The following ADAMTS6 variants were observed in gnomAD, a reference collection of about 807,000 sequenced individuals.
The protein encoded by ADAMTS6 is A disintegrin and metalloproteinase with thrombospondin motifs 6.
ADAMTS6 carries 23 observed loss-of-function variants against 144.3 expected under a neutral mutation model. The ratio of observed to expected loss-of-function variants is 0.16; its 90% CI spans 0.11 to 0.23. The LOEUF (loss-of-function observed/expected upper bound fraction) is 0.23. ADAMTS6 is among the 10% of genes least tolerant of loss of function. The probability of loss-of-function intolerance (pLI) is 1.00; values close to 1 mark genes in which losing one functional copy is unlikely to be tolerated. For synonymous variants in ADAMTS6, 444 were observed against 457.5 expected, an observed-to-expected ratio of 0.97 and a Z score of 0.38; for missense variants, 999 against 1,379.6, an observed-to-expected ratio of 0.72 and a Z score of 4.37.
At chr5:65,306,177 TA>T (rs981406475) in intron 9 of ADAMTS6, among the ~76,000 whole-genome samples, 2 of 152,224 alleles carry the variant, frequency 1.3e-5, no homozygotes, top group African/African-American at 2.4e-5. Flanking sequence ...TGTACTGTAA[TA>T]ACATCTTTTG....
chr5:65,200,852 T>C (rs1755689415), intron 20 of ADAMTS6, among the ~76,000 whole-genome samples: 1 of 152,202 alleles, frequency 6.6e-6, no homozygotes, highest in Admixed American at 6.5e-5. Context: ...ATATTCTGTT[T>C]AGAGACTTTT....
chr5:65,296,424 A>T (rs1282580731), intron 10 of ADAMTS6, among the ~76,000 whole-genome samples: 1 of 152,176 alleles, frequency 6.6e-6, no homozygotes, highest in East Asian at 1.9e-4. Context: ...CTGTATTGAG[A>T]ATGGTTTACC....
intron 14 of ADAMTS6, among the ~76,000 whole-genome samples, chr5:65,255,436 C>T (rs1760563633): frequency 2.6e-5 from 4 of 151,948 alleles, no homozygotes; most frequent in Middle Eastern, 3.2e-3. Flanking sequence ...CCTCAAAGTC[C>T]ATTGCATCAT....
intron 7 of ADAMTS6, among the ~76,000 whole-genome samples, chr5:65,372,590 C>A (rs981629526): frequency 6.6e-6 from 1 of 151,494 alleles, no homozygotes; most frequent in African/African-American, 2.4e-5. Flanking sequence ...AATACAGGAG[C>A]ACCCAGATTC....
In ADAMTS6 at chr5:65,460,167, C is replaced by T; in HGVS notation, c.631+3G>A. On this transcript the variant is annotated splice_donor_region_variant and intron_variant, in intron 4 of 24. Transcript: ENST00000381055. The stretch of plus-strand genomic sequence containing the variant: ...GCTTTGTAAAAGCTGCACACTCACT[C>T]ACCCGAAACCCCACAATGAGAGTGA... 6.2e-7 allele frequency: 1 copy of T among 1,613,510 alleles called. No homozygotes were observed. Among genetic ancestry groups the T allele is most frequent in the Non-Finnish European group, 8.5e-7 (1 of 1,179,798 alleles).
intron 7 of ADAMTS6, among the ~76,000 whole-genome samples, chr5:65,438,773 C>T (rs1413505619): frequency 6.6e-6 from 1 of 152,134 alleles, no homozygotes; most frequent in Non-Finnish European, 1.5e-5. Flanking sequence ...TCATTTAATA[C>T]ATTTTTTATT....
In ADAMTS6 at chr5:65,197,031, C is replaced by A; in HGVS notation, c.2696G>T (p.Cys899Phe). 6.2e-7 allele frequency: 1 copy of A among 1,612,086 alleles called. No individual in the cohort carries two copies. The highest frequency in any genetic ancestry group is 8.5e-7 in the Non-Finnish European group (1 of 1,178,864). The part of the protein sequence containing the change: ...ENQRACNTEP[C>F]PPEWFIGDWL... The stretch of plus-strand genomic sequence containing the variant: ...TCTTTCCCTTACTTACTCAGGTGGG[C>A]AGGGCTCAGTGTTGCAGGCTCTTTG... The change falls in exon 21 of 25, where the codon TGC (cysteine) becomes TTC (phenylalanine). Residue 899 changes from cysteine to phenylalanine, a missense_variant. Cys to Phe is a radical substitution (Grantham distance 205). This residue lies in a region of ADAMTS6 where 619 missense variants were observed against 837.0 expected (regional missense o/e 0.74). Transcript: ENST00000381055.
chr5:65,278,783 A>C (rs1173586775), intron 11 of ADAMTS6, among the ~76,000 whole-genome samples: 7 of 152,118 alleles, frequency 4.6e-5, no homozygotes, highest in African/African-American at 1.7e-4. Flanking sequence ...AAAATATCTT[A>C]ATTGTATTCT....
chr5:65,467,039 CAA>C (rs35854972), intron 3 of ADAMTS6, among the ~76,000 whole-genome samples: 3 of 109,188 alleles, frequency 2.7e-5, no homozygotes, highest in Non-Finnish European at 2.0e-5. Flanking sequence ...GACTCCGTCT[CAA>C]AAAAAAAAAA....
In ADAMTS6 at chr5:65,377,007, G is replaced by A. The variant is rs372478011; in HGVS notation, c.1074-42922C>T. 1.2e-4 allele frequency among the ~76,000 whole-genome samples: 19 copies of A among 152,010 alleles called. No individual in the cohort carries two copies. The East Asian group carries it at 3.5e-3, about 28-fold the overall frequency. ...GTGAGAGTATCCCCCCTACCTCATG[G>A]AAGACTTATATATATATAAATATAC... On this transcript the variant is annotated intron_variant, in intron 7 of 24. Coordinates refer to ENST00000381055, the MANE Select transcript of ADAMTS6 (RefSeq NM_197941.4).
intron 9 of ADAMTS6, among the ~76,000 whole-genome samples, chr5:65,319,517 C>CAA (rs773263244): frequency 0.28 from 35,370 of 124,154 alleles, 5,184 homozygotes; most frequent in South Asian, 0.4. Context: ...CCATATCTAC[C>CAA]AAAAAAAAAA....
chr5:65,203,287 G>A (rs1755862182), intron 20 of ADAMTS6, among the ~76,000 whole-genome samples: 1 of 152,198 alleles, frequency 6.6e-6, no homozygotes, highest in Admixed American at 6.5e-5. Context: ...AACTCGGGAG[G>A]CTGAGGCAGG....
At chr5:65,170,144 C>G in intron 24 of ADAMTS6, among the ~76,000 whole-genome samples, 1 of 152,244 alleles carries the variant, frequency 6.6e-6, no homozygotes, top group Non-Finnish European at 1.5e-5. Flanking sequence ...TACTTTTCTA[C>G]GATAAGAAAA....
intron 7 of ADAMTS6, among the ~76,000 whole-genome samples, chr5:65,374,180 T>TCC (rs771369327): frequency 1.1e-4 from 16 of 152,126 alleles, no homozygotes; most frequent in Non-Finnish European, 1.5e-4. Context: ...CTGGAAGCAT[T>TCC]CCCTTAGAAA....
intron 14 of ADAMTS6, among the ~76,000 whole-genome samples, chr5:65,253,127 A>T (rs1226733316): frequency 6.6e-6 from 1 of 152,078 alleles, no homozygotes; most frequent in Non-Finnish European, 1.5e-5. Context: ...GGCTCAAGCG[A>T]TCCACCCGCC....
intron 22 of ADAMTS6, among the ~76,000 whole-genome samples, chr5:65,179,514 T>C (rs886406552): frequency 6.6e-6 from 1 of 152,236 alleles, no homozygotes; most frequent in African/African-American, 2.4e-5. Context: ...CTGTCATTAA[T>C]AGTAATAACT....
intron 7 of ADAMTS6, among the ~76,000 whole-genome samples, chr5:65,336,992 C>A (rs1747362492): frequency 6.6e-6 from 1 of 152,032 alleles, no homozygotes; most frequent in Non-Finnish European, 1.5e-5. Context: ...GAATATGTAT[C>A]ATGGAATAGC....
intron 7 of ADAMTS6, among the ~76,000 whole-genome samples, chr5:65,372,591 AC>A (rs1751070539): frequency 6.6e-6 from 1 of 151,606 alleles, no homozygotes; most frequent in Non-Finnish European, 1.5e-5. Context: ...ATACAGGAGC[AC>A]CCAGATTCAT....
At chr5:65,351,560 T>TA (rs1349685610) in intron 7 of ADAMTS6, among the ~76,000 whole-genome samples, 1 of 152,196 alleles carries the variant, frequency 6.6e-6, no homozygotes, top group Non-Finnish European at 1.5e-5. Flanking sequence ...GATAAATATC[T>TA]AAAAAAGAAT....
Sources: gnomAD v4.1 joint callset for allele counts (sites outside exome capture counted in the v4.1 genomes callset) on GRCh38, gnomAD v4.1.1 for gene constraint, gnomAD v4.1.1 regional missense constraint, MANE v1.5 for transcripts, NCBI Gene and HGNC (gene_info 2026-07-23, HGNC 2026-07-21) for gene names.